The following HSD17B12 variants were observed in gnomAD, a reference collection of about 807,000 sequenced individuals.
HSD17B12 encodes hydroxysteroid 17-beta dehydrogenase 12.
HSD17B12 carries 32 observed loss-of-function variants against 39.3 expected under a neutral mutation model. The ratio of observed to expected loss-of-function variants is 0.81; its 90% CI spans 0.61 to 1.09. The LOEUF is 1.09. Ranked by LOEUF, HSD17B12 falls within the 50% of genes least tolerant of loss-of-function variation. The probability of loss-of-function intolerance (pLI) is 0.00; values close to 1 mark genes in which losing one functional copy is unlikely to be tolerated. For missense variants in HSD17B12, 342 were observed against 382.9 expected (o/e 0.89, Z 0.89); for synonymous variants, 150 against 146.7 (o/e 1.02, Z -0.16).
intron 1 of HSD17B12, among the ~76,000 whole-genome samples, chr11:43,690,404 A>ATATATATTTTTTTTTTTTT (rs1554959942): frequency 4.0e-5 from 1 of 24,960 alleles, no homozygotes; most frequent in Non-Finnish European, 6.9e-5. Context: ...ATATATATAT[A>ATATATATTTTTTTTTTTTT]TTTTTTTTTT....
chr11:43,723,301 A>G (rs1231711704), intron 1 of HSD17B12, among the ~76,000 whole-genome samples: 1 of 152,234 alleles, frequency 6.6e-6, no homozygotes, highest in African/African-American at 2.4e-5. Context: ...TGCATTTTAG[A>G]TAGTAGCTTT....
intron 4 of HSD17B12, among the ~76,000 whole-genome samples, chr11:43,801,404 A>G (rs1950966659): frequency 6.6e-6 from 1 of 152,072 alleles, no homozygotes; most frequent in Non-Finnish European, 1.5e-5. Flanking sequence ...AGAGATTCCA[A>G]GTGGGAAGAC....
At chr11:43,747,634 T>C (rs1386285381) in intron 1 of HSD17B12, among the ~76,000 whole-genome samples, 1 of 152,228 alleles carries the variant, frequency 6.6e-6, no homozygotes, top group East Asian at 1.9e-4. Flanking sequence ...TGGACAGATA[T>C]GCAGGCTCCT....
chr11:43,605,213 C>G, the HSD17B12 span, among the ~76,000 whole-genome samples: 1 of 152,070 alleles, frequency 6.6e-6, no homozygotes, highest in Non-Finnish European at 1.5e-5. Context: ...CTTCCCATTT[C>G]TGTCTTAGGT....
At chr11:43,578,628 G>A in the HSD17B12 span, among the ~76,000 whole-genome samples, 796 of 152,042 alleles carry the variant, frequency 5.2e-3, 9 homozygotes, top group African/African-American at 0.018. Context: ...CCCAAGCCTC[G>A]CCCCTCTCAG....
At chr11:43,855,068 A>G (rs1261543419) in intron 10 of HSD17B12, 76 bp from the exon 11 acceptor site, 21 of 1,170,366 alleles carry the variant, frequency 1.8e-5, no homozygotes, top group Non-Finnish European at 2.5e-5. Context: ...ACTATAATAA[A>G]ACATTAAATC....
intron 1 of HSD17B12, among the ~76,000 whole-genome samples, chr11:43,688,953 G>A (rs1026746873): frequency 6.6e-6 from 1 of 152,110 alleles, no homozygotes; most frequent in African/African-American, 2.4e-5. Flanking sequence ...TGTTTGTATA[G>A]ATTACTCTTA....
At chr11:43,730,217 C>A (rs1950256203) in intron 1 of HSD17B12, among the ~76,000 whole-genome samples, 1 of 152,052 alleles carries the variant, frequency 6.6e-6, no homozygotes, top group African/African-American at 2.4e-5. Context: ...GCTAGCAGAA[C>A]CAGGACCAGA....
At chr11:43,842,949 T>A (rs1332362080) in intron 9 of HSD17B12, among the ~76,000 whole-genome samples, 1 of 152,190 alleles carries the variant, frequency 6.6e-6, no homozygotes, top group African/African-American at 2.4e-5. Context: ...CCCTCAAAGA[T>A]CTTTTCTCCA....
chr11:43,691,071 G>T (rs1232729132), intron 1 of HSD17B12, among the ~76,000 whole-genome samples: 1 of 152,124 alleles, frequency 6.6e-6, no homozygotes, highest in East Asian at 1.9e-4. Flanking sequence ...CTAAAATTTA[G>T]CTTTTCTACT....
At chr11:43,613,457 A>G in the HSD17B12 span, among the ~76,000 whole-genome samples, 694 of 152,064 alleles carry the variant, frequency 4.6e-3, 10 homozygotes, top group African/African-American at 0.016. Context: ...CAAAAAAACC[A>G]TGAGTTATAT....
At chr11:43,670,983 G>A in the HSD17B12 span, among the ~76,000 whole-genome samples, 1 of 152,088 alleles carries the variant, frequency 6.6e-6, no homozygotes, top group African/African-American at 2.4e-5. Context: ...AAAAAAAAGT[G>A]TGGGTAAAGA....
chr11:43,629,311 G>A, the HSD17B12 span, among the ~76,000 whole-genome samples: 1 of 152,052 alleles, frequency 6.6e-6, no homozygotes, highest in Admixed American at 6.5e-5. Context: ...ATTCTAATGG[G>A]GTCCTGTAAG....
At chr11:43,771,713 C>T (rs1950652323) in intron 3 of HSD17B12, among the ~76,000 whole-genome samples, 1 of 152,014 alleles carries the variant, frequency 6.6e-6, no homozygotes, top group Non-Finnish European at 1.5e-5. Context: ...GTGATCGACC[C>T]ACCTCAGCCT....
At chr11:43,777,066 C>G (rs1203171834) in intron 3 of HSD17B12, among the ~76,000 whole-genome samples, 1 of 152,004 alleles carries the variant, frequency 6.6e-6, no homozygotes. Flanking sequence ...TTCTTTTGGC[C>G]TAGGATTGAC....
the HSD17B12 span, among the ~76,000 whole-genome samples, chr11:43,586,556 CT>C: frequency 6.6e-6 from 1 of 152,166 alleles, no homozygotes. Flanking sequence ...CCAGGATCTC[CT>C]TTATAAGCAA....
the HSD17B12 span, chr11:43,581,298 G>T: frequency 2.1e-6 from 1 of 467,140 alleles, no homozygotes; most frequent in East Asian, 6.9e-5. This position sits in a 1 kb window ranked among gnomAD's most constrained non-coding sequence, Gnocchi z 4.9. Flanking sequence ...ACTGAGCCGC[G>T]ATGGAACGCG....
At chr11:43,687,164 T>C (rs1203368930) in intron 1 of HSD17B12, among the ~76,000 whole-genome samples, 1 of 152,230 alleles carries the variant, frequency 6.6e-6, no homozygotes, top group Non-Finnish European at 1.5e-5. Flanking sequence ...GTGCATCCTT[T>C]ATTTCATTTC....
chr11:43,646,949 C>G, the HSD17B12 span, among the ~76,000 whole-genome samples: 1 of 152,114 alleles, frequency 6.6e-6, no homozygotes, highest in African/African-American at 2.4e-5. Context: ...TGGATAGATA[C>G]GTCAAAAGGT....
Sources: allele counts gnomAD v4.1 joint callset (sites outside exome capture counted in the v4.1 genomes callset), GRCh38; gene constraint gnomAD v4.1.1; non-coding constraint Gnocchi (gnomAD v3.1); transcripts MANE v1.5; gene names NCBI Gene and HGNC (gene_info 2026-07-23, HGNC 2026-07-21).